MYO16: variants seen among roughly 807,000 people sequenced by gnomAD.
MYO16 encodes the protein unconventional myosin-XVI.
Under a neutral mutation model 205.3 loss-of-function variants are expected in MYO16, and 94 were observed. The ratio of observed to expected loss-of-function variants is 0.46; its 90% confidence interval spans 0.39 to 0.54. MYO16 has a LOEUF of 0.54. Among genes scored for constraint, MYO16 ranks in the 20% least tolerant of loss-of-function variants. MYO16 has a pLI of 0.00. For synonymous variants in MYO16, 988 were observed against 954.0 expected, an observed-to-expected ratio of 1.04 and a Z score of -0.66; for missense variants, 2,315 against 2,387.5, an observed-to-expected ratio of 0.97 and a Z score of 0.63.
chr13:109,139,875 C>T (rs1320960778), intron 31 of MYO16, among the ~76,000 whole-genome samples: 1 of 151,074 alleles, frequency 6.6e-6, no homozygotes, highest in African/African-American at 2.4e-5. Flanking sequence ...GCACCAAGGT[C>T]GTCTGGCTAT....
chr13:109,059,263 C>T (rs982148542), intron 27 of MYO16, among the ~76,000 whole-genome samples: 1 of 152,096 alleles, frequency 6.6e-6, no homozygotes, highest in Non-Finnish European at 1.5e-5. Flanking sequence ...TTTGCTTTGC[C>T]CAAATTCATC....
At chr13:108,578,352 A>C in the MYO16 span, among the ~76,000 whole-genome samples, 6 of 152,264 alleles carry the variant, frequency 3.9e-5, no homozygotes, top group African/African-American at 7.2e-5. Flanking sequence ...ATATAACAAA[A>C]TATCTCATTG....
chr13:108,960,810 A>G (rs1883552618), intron 17 of MYO16, among the ~76,000 whole-genome samples: 1 of 152,206 alleles, frequency 6.6e-6, no homozygotes, highest in African/African-American at 2.4e-5. Flanking sequence ...CTTGCCAAAA[A>G]ATGACTATCC....
chr13:109,176,933 T>C (rs1185914986), intron 33 of MYO16, among the ~76,000 whole-genome samples: 1 of 152,234 alleles, frequency 6.6e-6, no homozygotes. Flanking sequence ...TCAACAGTTA[T>C]GAATGAAATA....
At chr13:108,601,408 T>G (rs931641749) in intron 1 of MYO16, among the ~76,000 whole-genome samples, 10 of 152,256 alleles carry the variant, frequency 6.6e-5, no homozygotes, top group African/African-American at 2.4e-4. Context: ...TTAAATCACA[T>G]ATATATAAAT....
chr13:109,100,916 C>G (rs1888945028), intron 28 of MYO16, 29 bp downstream of exon 28: 1 of 1,575,534 alleles, frequency 6.3e-7, no homozygotes, highest in African/African-American at 1.3e-5. Flanking sequence ...ATGAAAATAA[C>G]ATTTTAGGAT....
At chr13:109,096,362 G>A (rs955345799) in intron 27 of MYO16, among the ~76,000 whole-genome samples, 4 of 152,036 alleles carry the variant, frequency 2.6e-5, no homozygotes, top group African/African-American at 9.7e-5. Flanking sequence ...TTCAGGACAT[G>A]AGTCATATTG....
the MYO16 span, among the ~76,000 whole-genome samples, chr13:108,586,199 C>T: frequency 2.4e-4 from 37 of 152,076 alleles, no homozygotes; most frequent in East Asian, 6.4e-3. Context: ...ATTAGAAAAA[C>T]ATACTAACTT....
intron 20 of MYO16, among the ~76,000 whole-genome samples, chr13:108,980,622 G>A (rs1273889123): frequency 6.6e-6 from 1 of 152,148 alleles, no homozygotes; most frequent in Non-Finnish European, 1.5e-5. Flanking sequence ...TTTTTCGAAT[G>A]TAATTTTCTA....
At chr13:108,871,397 A>G (rs555524508) in intron 12 of MYO16, among the ~76,000 whole-genome samples, 10 of 151,058 alleles carry the variant, frequency 6.6e-5, no homozygotes, top group Non-Finnish European at 1.0e-4. Context: ...GGATATATTT[A>G]CTGACATCCA....
At chr13:108,607,284 T>A (rs1878994545) in intron 1 of MYO16, among the ~76,000 whole-genome samples, 1 of 151,796 alleles carries the variant, frequency 6.6e-6, no homozygotes, top group African/African-American at 2.4e-5. Context: ...GAGCCAGGAG[T>A]GGAATCATAT....
chr13:108,631,268 C>A (rs1879968129), intron 1 of MYO16, among the ~76,000 whole-genome samples: 1 of 152,144 alleles, frequency 6.6e-6, no homozygotes, highest in Non-Finnish European at 1.5e-5. Flanking sequence ...ACACATTGAA[C>A]ACACCTGGTG....
rs748708803 is a variant in MYO16 at position 109,008,980 on chromosome 13, A to C, written c.2526A>C (p.Gln842His). 6.2e-7 allele frequency: 1 copy of C among 1,611,958 alleles called. No homozygotes were observed. Among genetic ancestry groups the C allele is most frequent in the Admixed American group, 1.7e-5 (1 of 59,526 alleles). The change falls in exon 22 of 35, where the codon CAA (glutamine) becomes CAC (histidine). Residue 842 changes from glutamine (Q) to histidine (H), a missense_variant. By Grantham distance (24) the Gln-to-His change is conservative. Coordinates refer to ENST00000457511, the MANE Select transcript of MYO16 (RefSeq NM_001198950.3). Reference protein sequence around the residue: ...LFLHEQVECVQEGVTMETAYS... With the variant: ...LFLHEQVECVHEGVTMETAYS... ...TCCACGAGCAAGTGGAATGTGTACA[A>C]GAGGGAGTTACCATGGAAACAGCAT...
chr13:108,924,760 ACTCAC>A (rs1881909500), intron 16 of MYO16, among the ~76,000 whole-genome samples: 1 of 152,054 alleles, frequency 6.6e-6, no homozygotes, highest in Admixed American at 6.5e-5. Flanking sequence ...TGGCATGGCG[ACTCAC>A]TCCTGACGTC....
chr13:108,891,849 A>G (rs1160778558), intron 14 of MYO16, among the ~76,000 whole-genome samples: 2 of 152,182 alleles, frequency 1.3e-5, no homozygotes, highest in Non-Finnish European at 2.9e-5. Flanking sequence ...TGCACAATGA[A>G]TATTGTGCTA....
chr13:108,595,409 A>C (rs1878519524), upstream of MYO16, among the ~76,000 whole-genome samples: 1 of 152,312 alleles, frequency 6.6e-6, no homozygotes, highest in African/African-American at 2.4e-5. Flanking sequence ...AAAGAGCCTG[A>C]CTTACAGCTT....
chr13:108,891,041 G>C (rs753201073), intron 14 of MYO16, among the ~76,000 whole-genome samples: 3 of 152,166 alleles, frequency 2.0e-5, no homozygotes, highest in Non-Finnish European at 4.4e-5. Flanking sequence ...CAGCATGGTA[G>C]GAGCTCAGTT....
At chr13:108,602,591 G>T (rs1673227786) in intron 1 of MYO16, among the ~76,000 whole-genome samples, 1 of 152,060 alleles carries the variant, frequency 6.6e-6, no homozygotes, top group Non-Finnish European at 1.5e-5. Context: ...AAATCACATG[G>T]TATGTTGCAA....
chr13:108,501,573 T>C, the MYO16 span, among the ~76,000 whole-genome samples: 2 of 152,216 alleles, frequency 1.3e-5, no homozygotes, highest in African/African-American at 2.4e-5. Context: ...CCTGTGCTCT[T>C]AGCACCTTTT....
Sources: allele counts gnomAD v4.1 joint callset (sites outside exome capture counted in the v4.1 genomes callset), GRCh38; gene constraint gnomAD v4.1.1; transcripts MANE v1.5; gene names NCBI Gene and HGNC (gene_info 2026-07-23, HGNC 2026-07-21).